C4BPB: variants seen among roughly 807,000 people sequenced by gnomAD.
The protein encoded by C4BPB is complement component 4 binding protein beta, also known as C4b-binding protein beta chain.
In C4BPB, 19 loss-of-function variants were observed where a neutral mutation model predicts 26.6. The ratio of observed to expected loss-of-function variants is 0.71; its 90% CI spans 0.50 to 1.05. The LOEUF (loss-of-function observed/expected upper bound fraction) is 1.05, where lower values mean the gene tolerates loss of function less well. C4BPB is among the 50% of genes least tolerant of loss of function. The pLI, the probability that C4BPB is intolerant of heterozygous loss-of-function variation, is 0.00. For missense variants in C4BPB, 282 were observed against 302.9 expected (o/e 0.93, Z 0.51); for synonymous variants, 118 against 103.5 (o/e 1.14, Z -0.85).
chr1:207,090,323 A>C lies in C4BPB; in HGVS notation c.74A>C (p.Glu25Ala). 6 of 1,612,818 alleles carry C rather than the reference A, an allele frequency of 3.7e-6. No homozygotes were observed. Among genetic ancestry groups the C allele is most frequent in the Non-Finnish European group, 5.1e-6 (6 of 1,179,524 alleles). The change falls in exon 3 of 7, where the codon GAG becomes GCG. Residue 25 changes from glutamate to alanine, a missense_variant. Physicochemically the swap from Glu to Ala is moderately radical, Grantham distance 107. Transcript: ENST00000367078. ...TTTCTTCCAGCAGAGCACTGTCCAGAGCTTCCTCCAGTGGACAATAGCATA... is the reference window on the plus strand; with the variant it reads ...TTTCTTCCAGCAGAGCACTGTCCAGCGCTTCCTCCAGTGGACAATAGCATA... ...VSASDAEHCPELPPVDNSIFV... is the reference protein window; with the variant it reads ...VSASDAEHCPALPPVDNSIFV...
At chr1:207,098,087 A>G in intron 5 of C4BPB, 63 bp from the exon 6 acceptor site, 1 of 1,273,810 alleles carries the variant, frequency 7.9e-7, no homozygotes, top group Non-Finnish European at 1.1e-6. Flanking sequence ...ACTACACAAA[A>G]CCAGTCTCCA....
chr1:207,090,469 A>G lies in C4BPB; in HGVS notation c.220A>G (p.Thr74Ala), dbSNP rs778556624. 1 of 1,610,072 alleles carries G rather than the reference A, an allele frequency of 6.2e-7. No individual in the cohort carries two copies. Among genetic ancestry groups the G allele is most frequent in the South Asian group, 1.1e-5 (1 of 90,520 alleles). The change falls in exon 3 of 7, where the codon ACT becomes GCT. Residue 74 changes from threonine (T) to alanine (A), a missense_variant. Transcript: ENST00000367078. Reference sequence around the variant, plus strand: ...CTCTAAGGAGTGGGATAACACCACTACTGAGTGCCGCTGTAAGTTAGATCT... The same window carrying G: ...CTCTAAGGAGTGGGATAACACCACTGCTGAGTGCCGCTGTAAGTTAGATCT... ...NASKEWDNTT[T>A]ECRLGHCPDP...
At chr1:207,089,208 C>T (rs1055175640) in intron 1 of C4BPB, 47 of 317,510 alleles carry the variant, frequency 1.5e-4, no homozygotes, top group Non-Finnish European at 2.4e-4. Context: ...GATAAGCCTG[C>T]GTTTCAAAAA....
intron 4 of C4BPB, among the ~76,000 whole-genome samples, chr1:207,093,064 G>A (rs1240632697): frequency 1.3e-5 from 2 of 151,886 alleles, no homozygotes; most frequent in African/African-American, 4.8e-5. Flanking sequence ...AATAAATATT[G>A]AAAAAAATCA....
Position 207,098,232 on chromosome 1 carries a change from G to A in C4BPB, c.586G>A (p.Glu196Lys). The part of the protein sequence containing the change: ...SALPVCKLIQ[E>K]APKPECEKAL... The stretch of plus-strand genomic sequence containing the variant: ...ACTTCCAGTCTGCAAGTTGATCCAG[G>A]AAGCTCCCAAACCAGAGTGTGAGAA... Residue 196 changes from glutamate to lysine, a missense_variant, in exon 6 of 7, where the codon GAA (glutamate) becomes AAA (lysine). Transcript: ENST00000367078. 1.9e-6 allele frequency: 3 copies of A among 1,613,822 alleles called. No individual in the cohort carries two copies. The highest frequency in any genetic ancestry group is 2.5e-6 in the Non-Finnish European group (3 of 1,179,720).
At chr1:207,090,275 T>C (rs761802497) in intron 2 of C4BPB, 33 bp from the exon 3 acceptor site, 15 of 1,555,530 alleles carry the variant, frequency 9.6e-6, no homozygotes, top group East Asian at 4.6e-5. Flanking sequence ...GCACATGATA[T>C]GCCAAGTGAA....
intron 4 of C4BPB, among the ~76,000 whole-genome samples, chr1:207,092,629 C>CTT (rs755904248): frequency 0.039 from 5,214 of 134,542 alleles, 372 homozygotes; most frequent in African/African-American, 0.13. Flanking sequence ...TTCTTTCTTT[C>CTT]TTTTTTTTTT....
At chr1:207,090,991 T>C (rs187027288) in intron 3 of C4BPB, among the ~76,000 whole-genome samples, 7 of 152,350 alleles carry the variant, frequency 4.6e-5, no homozygotes, top group Admixed American at 4.6e-4. Flanking sequence ...GTTTGTATTC[T>C]CAGTTTACCA....
At chr1:207,093,257 T>C (rs775783113) in intron 4 of C4BPB, among the ~76,000 whole-genome samples, 10 of 152,214 alleles carry the variant, frequency 6.6e-5, no homozygotes, top group East Asian at 1.9e-4. Context: ...GGATTTTAAA[T>C]TCAAAAATAT....
chr1:207,090,273 T>C, intron 2 of C4BPB, 35 bp from the exon 3 acceptor site: 2 of 1,545,198 alleles, frequency 1.3e-6, no homozygotes, highest in Non-Finnish European at 1.8e-6. Context: ...CAGCACATGA[T>C]ATGCCAAGTG....
rs181490993 is a variant in C4BPB at position 207,099,963 on chromosome 1, C to T, written c.*34C>T. On this transcript the variant is annotated 3_prime_UTR_variant, in exon 7 of 7. Transcript: ENST00000367078. ...CTGAGCAGATGTAATAGAAATAAAC[C>T]TATGAATAAATTTTCTTCTTGGTTC... 6.4e-7 allele frequency: 1 copy of T among 1,565,910 alleles called. No individual in the cohort carries two copies.
At chr1:207,091,912 T>C in intron 4 of C4BPB, 92 bp downstream of exon 4, 1 of 1,108,382 alleles carries the variant, frequency 9.0e-7, no homozygotes, top group Admixed American at 3.0e-5. Context: ...GCTTTTCTCT[T>C]TTTTTGTATC....
At chr1:207,089,451 G>A in intron 1 of C4BPB, 31 bp from the exon 2 acceptor site, 1 of 1,236,782 alleles carries the variant, frequency 8.1e-7, no homozygotes, top group Non-Finnish European at 1.2e-6. Flanking sequence ...GTCTTAAGCA[G>A]TGTTAGAAGA....
chr1:207,096,523 G>C lies in C4BPB; in HGVS notation c.411G>C (p.Arg137Ser). 6.3e-7 allele frequency: 1 copy of C among 1,590,364 alleles called. No individual in the cohort carries two copies. Among genetic ancestry groups the C allele is most frequent in the South Asian group, 1.1e-5 (1 of 90,534 alleles). Residue 137 changes from arginine (R) to serine (S), a missense_variant and splice_region_variant, in exon 5 of 7, where the codon AGG (arginine) becomes AGC (serine). Arg to Ser is a moderately radical substitution (Grantham distance 110). Transcript: ENST00000367078. ...GACTTCTATACTCGTTTCTCTCAGGGGACTGTGACCCTCCTGGGAATCCAG... is the reference window on the plus strand; with the variant it reads ...GACTTCTATACTCGTTTCTCTCAGGCGACTGTGACCCTCCTGGGAATCCAG... Reference protein sequence around the residue: ...WAPPFPICKSRDCDPPGNPVH... With the variant: ...WAPPFPICKSSDCDPPGNPVH...
intron 6 of C4BPB, 133 bp downstream of exon 6, chr1:207,098,397 C>T: frequency 1.7e-6 from 1 of 603,666 alleles, no homozygotes; most frequent in Non-Finnish European, 3.0e-6. Context: ...CTTGGCCTGG[C>T]TGTAGAAGGG....
chr1:207,089,434 T>C (rs1572749965), intron 1 of C4BPB, 48 bp from the exon 2 acceptor site: 1 of 946,308 alleles, frequency 1.1e-6, no homozygotes, highest in East Asian at 2.4e-5. Flanking sequence ...AGGAGGTGGT[T>C]AGGTTGGTCT....
Position 207,089,465 on chromosome 1 carries a change from A to AT in C4BPB, c.-50-9dup, listed in dbSNP as rs1369796554. On this transcript the variant is annotated splice_polypyrimidine_tract_variant and intron_variant, in intron 1 of 6. Coordinates refer to ENST00000367078, the MANE Select transcript of C4BPB (RefSeq NM_001017365.3). ...GGTCTTAAGCAGTGTTAGAAGATCT[A>AT]TTTTTTTTCAAACCAGGTGTCTGAG... 108 of 1,424,392 alleles carry AT rather than the reference A, an allele frequency of 7.6e-5. No homozygotes were observed. Among genetic ancestry groups the AT allele is most frequent in the South Asian group, 5.9e-4 (51 of 86,882 alleles). The allele number at this position is 1,424,392 out of a possible 1,614,324, so 88.2% of individuals were successfully genotyped here. A position where few individuals can be genotyped will look rare whatever the true frequency, so the allele number is the denominator to read the frequency against.
chr1:207,097,882 G>T, intron 5 of C4BPB: 1 of 299,410 alleles, frequency 3.3e-6, no homozygotes, highest in Non-Finnish European at 6.2e-6. Context: ...CCCAAAACCT[G>T]GGTGTGTAAA....
rs1683932968 is a variant in C4BPB, at chr1:207,089,462, T to C, written c.-50-20T>C. 1.0e-5 allele frequency: 14 copies of C among 1,361,138 alleles called. No individual in the cohort carries two copies. The Admixed American group carries it at 1.3e-4, about 13-fold the overall frequency. 84.3% of individuals were successfully genotyped at this position (1,361,138 alleles called of 1,614,324 possible). The stretch of plus-strand genomic sequence containing the variant: ...GTTGGTCTTAAGCAGTGTTAGAAGA[T>C]CTATTTTTTTTCAAACCAGGTGTCT... On this transcript the variant is annotated intron_variant, in intron 1 of 6. Coordinates refer to ENST00000367078, the MANE Select transcript of C4BPB (RefSeq NM_001017365.3).
Sources: allele counts gnomAD v4.1 joint callset (sites outside exome capture counted in the v4.1 genomes callset), GRCh38; gene constraint gnomAD v4.1.1; transcripts MANE v1.5; gene names NCBI Gene and HGNC (gene_info 2026-07-23, HGNC 2026-07-21).